Variants in PLCH2 observed in about 807,000 individuals in gnomAD.
The protein encoded by PLCH2 is 1-phosphatidylinositol 4,5-bisphosphate phosphodiesterase eta-2.
PLCH2 carries 98 observed loss-of-function variants against 134.7 expected under a neutral mutation model. That is an observed-to-expected ratio of 0.73 (90% CI 0.62 to 0.86). The LOEUF (loss-of-function observed/expected upper bound fraction) is 0.86. Among genes scored for constraint, PLCH2 ranks in the 40% least tolerant of loss-of-function variants. The pLI is 0.00. For missense variants in PLCH2, 1,994 were observed against 1,986.6 expected, an observed-to-expected ratio of 1.00 and a Z score of -0.07; for synonymous variants, 974 against 827.5, an observed-to-expected ratio of 1.18 and a Z score of -3.04.
At chr1:2,442,936 G>A (rs1206833102) in intron 2 of PLCH2, among the ~76,000 whole-genome samples, 1 of 152,218 alleles carries the variant, frequency 6.6e-6, no homozygotes, top group Non-Finnish European at 1.5e-5. Flanking sequence ...CAGCAGAGCG[G>A]GGAACCGACG....
Position 2,444,579 on chromosome 1 carries a change from GC to G in PLCH2, c.115+13952del, listed in dbSNP as rs1639852682. On this transcript the variant is annotated intron_variant, in intron 2 of 3. Transcript: ENST00000609981. The surrounding 1 kb of genome is among the most constrained non-coding windows in gnomAD (Gnocchi z 4.6). Reference sequence around the variant, plus strand: ...GAGGGGTCTCCTGGGCTCTGGACCTGCCGGCAGAGCTACAGGGTATTCTTTA... The same window carrying G: ...GAGGGGTCTCCTGGGCTCTGGACCTGCGGCAGAGCTACAGGGTATTCTTTA... Among the ~76,000 whole-genome samples the G allele has an allele frequency of 6.6e-6, 1 of 152,200 alleles. No individual in the cohort carries two copies. The highest frequency in any genetic ancestry group is 1.5e-5 in the Non-Finnish European group (1 of 68,018).
At chr1:2,443,194 C>T (rs1366313355) in intron 2 of PLCH2, among the ~76,000 whole-genome samples, 1 of 152,234 alleles carries the variant, frequency 6.6e-6, no homozygotes, top group Admixed American at 6.5e-5. Flanking sequence ...CCCTGCCACC[C>T]TCTTGGGGCT....
chr1:2,489,418 A>T (rs1372159983), intron 9 of PLCH2, 40 bp downstream of exon 9: 1 of 1,602,136 alleles, frequency 6.2e-7, no homozygotes, highest in Admixed American at 1.7e-5. Context: ...GCTCACACAG[A>T]GTCTCGGGCC....
At position 2,496,981 on chromosome 1, in the gene PLCH2, A is replaced by G; in HGVS notation, c.2087A>G (p.Gln696Arg). The G allele has an allele frequency of 6.2e-7, 1 of 1,613,294 alleles. No individual in the cohort carries two copies. The highest frequency in any genetic ancestry group is 8.5e-7 in the Non-Finnish European group (1 of 1,179,806). ...YRVDSSNYNP[Q>R]PFWNAGCQMV... The stretch of plus-strand genomic sequence containing the variant: ...GTGGACTCCAGCAACTACAACCCGC[A>G]GCCCTTCTGGAACGCCGGCTGCCAA... The change falls in exon 15 of 22, where the codon CAG (glutamine) becomes CGG (arginine). Residue 696 changes from glutamine to arginine, a missense_variant. Around this residue, in one of 2 missense-constraint regions of PLCH2, gnomAD observed 1,094 missense variants for 1,234.3 expected, o/e 0.89. Transcript: ENST00000378486.
chr1:2,457,312 G>A (rs1389341036), intron 2 of PLCH2, among the ~76,000 whole-genome samples: 2 of 152,076 alleles, frequency 1.3e-5, no homozygotes, highest in Non-Finnish European at 2.9e-5. Context: ...TCCCTGCTGG[G>A]CTTCAGGGGC....
chr1:2,483,505 G>A (rs116234539), intron 4 of PLCH2, among the ~76,000 whole-genome samples: 36 of 152,284 alleles, frequency 2.4e-4, no homozygotes, highest in East Asian at 1.2e-3. Flanking sequence ...GGTGTTCCTC[G>A]TGAGTAGGGG....
chr1:2,446,214 C>T (rs1168667278), intron 2 of PLCH2, among the ~76,000 whole-genome samples: 4 of 152,250 alleles, frequency 2.6e-5, no homozygotes, highest in Non-Finnish European at 4.4e-5. Context: ...CCAGCTTCCC[C>T]GCTGCTGCCC....
chr1:2,451,076 C>T (rs962299259), intron 2 of PLCH2, among the ~76,000 whole-genome samples: 5 of 152,018 alleles, frequency 3.3e-5, no homozygotes, highest in African/African-American at 7.2e-5. Context: ...ACCCAGCACA[C>T]GCTGTCTGGA....
Position 2,498,931 on chromosome 1 carries a change from T to C in PLCH2, c.2434+103T>C. Reference sequence around the variant, plus strand: ...GGTGCCCTGCCCAGGCCTCCCTCAGTGACAGTCCTGGGCGCCCTCCCCTCT... The same window carrying C: ...GGTGCCCTGCCCAGGCCTCCCTCAGCGACAGTCCTGGGCGCCCTCCCCTCT... On this transcript the variant is annotated intron_variant, in intron 18 of 21. Transcript: ENST00000378486. The surrounding 1 kb of genome is among the most constrained non-coding windows in gnomAD (Gnocchi z 5.4). The C allele has an allele frequency of 7.5e-7, 1 of 1,334,348 alleles. No homozygotes were observed. The allele number at this position is 1,334,348 out of a possible 1,614,324, so 82.7% of individuals were successfully genotyped here.
the PLCH2 span, among the ~76,000 whole-genome samples, chr1:2,418,611 G>A: frequency 6.6e-6 from 1 of 152,202 alleles, no homozygotes; most frequent in Non-Finnish European, 1.5e-5. Context: ...GGACAATAAG[G>A]GCTCCCCACG....
At chr1:2,457,254 C>G (rs984384918) in intron 2 of PLCH2, among the ~76,000 whole-genome samples, 2 of 152,146 alleles carry the variant, frequency 1.3e-5, no homozygotes, top group African/African-American at 4.8e-5. Flanking sequence ...GCCTGCCTGG[C>G]CACGCTGGGC....
chr1:2,458,777 C>T lies in PLCH2; in HGVS notation c.116-19699C>T, dbSNP rs189797062. On this transcript the variant is annotated intron_variant, in intron 2 of 3. Transcript: ENST00000609981. ...AAAGACCCATCTGCACAGGGATGAT[C>T]TCGAGGCCACGTTTCATTCCCACTT... Among the ~76,000 whole-genome samples the T allele has an allele frequency of 2.6e-5, 4 of 152,334 alleles. No individual in the cohort carries two copies. The East Asian group carries it at 7.7e-4, about 29-fold the overall frequency.
intron 21 of PLCH2, chr1:2,503,197 T>G: frequency 1.7e-6 from 1 of 591,246 alleles, no homozygotes; most frequent in Non-Finnish European, 3.1e-6. Context: ...GGGCCGGGAC[T>G]GTGGCCTGAC....
intron 15 of PLCH2, among the ~76,000 whole-genome samples, 177 bp from the exon 16 acceptor site, chr1:2,497,325 T>C (rs1642950644): frequency 6.6e-6 from 1 of 151,928 alleles, no homozygotes; most frequent in African/African-American, 2.4e-5. Flanking sequence ...CAGGATGTGC[T>C]GGCCTCAGTC....
chr1:2,491,350 G>A lies in PLCH2; in HGVS notation c.1659+15G>A. ...TCGGACGCAAGGTAGAGGCCAAAAA[G>A]GTGACACCCCTGATGCCGACAGGCC... On this transcript the variant is annotated intron_variant, in intron 11 of 21. Coordinates refer to ENST00000378486, the MANE Select transcript of PLCH2 (RefSeq NM_014638.4). 6.2e-7 allele frequency: 1 copy of A among 1,609,876 alleles called. No individual in the cohort carries two copies.
chr1:2,434,740 G>A (rs190859881), intron 2 of PLCH2, among the ~76,000 whole-genome samples: 42 of 152,338 alleles, frequency 2.8e-4, no homozygotes, highest in East Asian at 2.5e-3. Flanking sequence ...GAGCCTCGCC[G>A]GTTGTGTCCC....
At position 2,498,408 on chromosome 1, in the gene PLCH2, C is replaced by T; in HGVS notation, c.2225-115C>T. On this transcript the variant is annotated intron_variant, in intron 16 of 21. Transcript: ENST00000378486. This position sits in a 1 kb window ranked among gnomAD's most constrained non-coding sequence, Gnocchi z 5.4. The stretch of plus-strand genomic sequence containing the variant: ...ACTGCCTCCCTCCCTCCCCCTGGCA[C>T]CGGCTCCAGTCTCCTATGTGGGGGC... 8.1e-7 allele frequency: 1 copy of T among 1,236,886 alleles called. No homozygotes were observed. Among genetic ancestry groups the T allele is most frequent in the Non-Finnish European group, 1.1e-6 (1 of 900,040 alleles). The allele number at this position is 1,236,886 out of a possible 1,614,324, so 76.6% of individuals were successfully genotyped here. A position where few individuals can be genotyped will look rare whatever the true frequency, so the allele number is the denominator to read the frequency against.
chr1:2,438,208 C>T (rs115679575), intron 2 of PLCH2, among the ~76,000 whole-genome samples: 339 of 152,330 alleles, frequency 2.2e-3, no homozygotes, highest in Middle Eastern at 3.4e-3. Flanking sequence ...CGGAGATGAA[C>T]GGCGCTCGGC....
chr1:2,504,190 G>A lies in PLCH2; in HGVS notation c.3228G>A (p.Thr1076=), dbSNP rs753107262. ...ACGAGAGGGCCCCCGGCAGCCAGAC[G>A]GACGGCAGGAGCCAGCCCCGGACCC... ...GAYERAPGSQ[T]DGRSQPRTLG... Residue 1076 remains threonine (T), a synonymous_variant, in exon 22 of 22, where the codon ACG becomes ACA. Transcript: ENST00000378486. The A allele has an allele frequency of 5.2e-6, 8 of 1,545,540 alleles. No homozygotes were observed. The highest frequency in any genetic ancestry group is 4.7e-5 in the South Asian group (4 of 84,376).
Sources: allele counts gnomAD v4.1 joint callset (sites outside exome capture counted in the v4.1 genomes callset), GRCh38; gene constraint gnomAD v4.1.1; regional missense constraint gnomAD v4.1.1; non-coding constraint Gnocchi (gnomAD v3.1); transcripts MANE v1.5; gene names NCBI Gene and HGNC (gene_info 2026-07-23, HGNC 2026-07-21).